The following TMIGD3 variants were observed in gnomAD, a reference collection of about 807,000 sequenced individuals.
The protein encoded by TMIGD3 is transmembrane and immunoglobulin domain containing 3.
TMIGD3 carries 21 observed loss-of-function variants against 28.1 expected under a neutral mutation model. The ratio of observed to expected loss-of-function variants is 0.75; its 90% CI spans 0.53 to 1.08. The LOEUF (loss-of-function observed/expected upper bound fraction) is 1.08. Among genes scored for constraint, TMIGD3 ranks in the 50% least tolerant of loss-of-function variants. The probability of loss-of-function intolerance (pLI) is 0.00; values close to 1 mark genes in which losing one functional copy is unlikely to be tolerated. For missense variants in TMIGD3, 416 were observed against 435.6 expected (o/e 0.96, Z 0.40); for synonymous variants, 151 against 162.1 (o/e 0.93, Z 0.52).
chr1:111,546,176 T>G (rs187293814), intron 1 of TMIGD3, among the ~76,000 whole-genome samples: 1 of 152,318 alleles, frequency 6.6e-6, no homozygotes, highest in Admixed American at 6.5e-5. Context: ...GTTTGAATTT[T>G]TATAAGTTTT....
At position 111,486,615 on chromosome 1, in the gene TMIGD3, G is replaced by C; in HGVS notation, c.843C>G (p.Pro281=). Residue 281 remains proline (P), a synonymous_variant, in exon 4 of 6, where the codon CCC becomes CCG. Transcript: ENST00000369716. Reference sequence around the variant, plus strand: ...AGCGGTCAGCCTTGCGGACAACTTTGGGAGCCTTGCAGCTTCTGGTTTTGT... The same window carrying C: ...AGCGGTCAGCCTTGCGGACAACTTTCGGAGCCTTGCAGCTTCTGGTTTTGT... ...SGNKTRSCKA[P]KVVRKADRSR... 1 of 1,611,992 alleles carries C rather than the reference G, an allele frequency of 6.2e-7. No individual in the cohort carries two copies. Among genetic ancestry groups the C allele is most frequent in the Non-Finnish European group, 8.5e-7 (1 of 1,178,958 alleles).
chr1:111,541,351 A>G (rs1009461484), intron 1 of TMIGD3, among the ~76,000 whole-genome samples: 1 of 152,230 alleles, frequency 6.6e-6, no homozygotes, highest in African/African-American at 2.4e-5. Flanking sequence ...TGGGCTTTAC[A>G]TTCTTAGCTC....
chr1:111,551,956 G>A (rs1657279634), intron 1 of TMIGD3, among the ~76,000 whole-genome samples: 1 of 152,144 alleles, frequency 6.6e-6, no homozygotes, highest in South Asian at 2.1e-4. Flanking sequence ...CATGCACCTG[G>A]CCTTCTAAAT....
chr1:111,521,509 A>G (rs1277747544), intron 1 of TMIGD3, among the ~76,000 whole-genome samples: 1 of 152,154 alleles, frequency 6.6e-6, no homozygotes, highest in Non-Finnish European at 1.5e-5. Flanking sequence ...TAATTTGCAT[A>G]TGCCTACTAA....
At chr1:111,487,368 T>TG (rs1447463931) in intron 3 of TMIGD3, among the ~76,000 whole-genome samples, 2 of 152,190 alleles carry the variant, frequency 1.3e-5, no homozygotes, top group African/African-American at 2.4e-5. Flanking sequence ...CAAAACTCTC[T>TG]TTCTAGCATG....
intron 1 of TMIGD3, chr1:111,500,254 G>A: frequency 2.5e-6 from 4 of 1,614,162 alleles, no homozygotes; most frequent in Non-Finnish European, 3.4e-6. Context: ...AAATGCACCT[G>A]TCTCTTTGGA....
upstream of TMIGD3, chr1:111,505,123 CCAAA>C: frequency 3.5e-5 from 5 of 141,290 alleles, no homozygotes; most frequent in Non-Finnish European, 4.3e-5. Context: ...CAGCACTCTG[CCAAA>C]AAAAAAAAAA....
chr1:111,503,909 G>C (rs2100986247), upstream of TMIGD3: 1 of 987,330 alleles, frequency 1.0e-6, no homozygotes, highest in Admixed American at 6.0e-5. Flanking sequence ...TGCAGGATCA[G>C]GTGGGAGCAG....
At chr1:111,536,232 T>C (rs200519205) in intron 1 of TMIGD3, among the ~76,000 whole-genome samples, 1 of 91,824 alleles carries the variant, frequency 1.1e-5, no homozygotes, top group African/African-American at 5.4e-5. Flanking sequence ...ATTTTTTAAG[T>C]TTTTTTTTTT....
At chr1:111,500,826 A>T (rs939144402) in intron 1 of TMIGD3, 2 of 527,650 alleles carry the variant, frequency 3.8e-6, no homozygotes, top group Non-Finnish European at 6.6e-6. Context: ...TCTTGAATGG[A>T]TAAGGAGGAT....
At chr1:111,503,706 T>G, upstream of TMIGD3, 1 of 1,052,218 alleles carries the variant, frequency 9.5e-7, no homozygotes, top group South Asian at 3.4e-5. Flanking sequence ...GCTTTTTGGC[T>G]TTTTGAGTTC....
intron 1 of TMIGD3, chr1:111,499,494 A>T (rs1417372): frequency 3.0e-6 from 3 of 998,362 alleles, no homozygotes; most frequent in East Asian, 1.0e-4. Context: ...AGTCCCCCTT[A>T]AACTCAGTTT....
chr1:111,507,000 C>G (rs12092394), upstream of TMIGD3, among the ~76,000 whole-genome samples: 5 of 88,136 alleles, frequency 5.7e-5, no homozygotes, highest in Non-Finnish European at 1.3e-4. Context: ...TACATATATA[C>G]ACACACATAT....
At chr1:111,544,778 A>T (rs925967793) in intron 1 of TMIGD3, among the ~76,000 whole-genome samples, 2 of 150,752 alleles carry the variant, frequency 1.3e-5, no homozygotes, top group Non-Finnish European at 3.0e-5. Context: ...TTTGGTACAT[A>T]CCCAATTTCT....
upstream of TMIGD3, chr1:111,504,904 C>G (rs1655426119): frequency 2.0e-6 from 2 of 985,214 alleles, no homozygotes; most frequent in Non-Finnish European, 2.4e-6. Flanking sequence ...CCTGAGCAGA[C>G]TCCCCAGACA....
intron 1 of TMIGD3, among the ~76,000 whole-genome samples, chr1:111,562,917 T>C (rs764116773): frequency 4.6e-5 from 7 of 152,242 alleles, no homozygotes; most frequent in Non-Finnish European, 1.0e-4. Context: ...GCCAAAAAGA[T>C]ACATTGATTA....
chr1:111,528,103 T>C (rs1388525110), intron 1 of TMIGD3, among the ~76,000 whole-genome samples: 1 of 152,210 alleles, frequency 6.6e-6, no homozygotes, highest in East Asian at 1.9e-4. Flanking sequence ...GATTTTCTCC[T>C]GCATTACCTT....
At chr1:111,511,935 G>T (rs956715046) in intron 1 of TMIGD3, among the ~76,000 whole-genome samples, 1 of 152,154 alleles carries the variant, frequency 6.6e-6, no homozygotes, top group Non-Finnish European at 1.5e-5. Context: ...GGGGTTTTTA[G>T]GACACAACAC....
At position 111,503,422 on chromosome 1, in the gene TMIGD3, G is replaced by A; in HGVS notation, c.-68C>T. 1 of 1,523,264 alleles carries A rather than the reference G, an allele frequency of 6.6e-7. No homozygotes were observed. Among genetic ancestry groups the A allele is most frequent in the East Asian group, 2.4e-5 (1 of 42,102 alleles). The allele number at this position is 1,523,264 out of a possible 1,614,324, so 94.4% of individuals were successfully genotyped here. A position where few individuals can be genotyped will look rare whatever the true frequency, so the allele number is the denominator to read the frequency against. On this transcript the variant is annotated 5_prime_UTR_variant, in exon 1 of 6. Transcript: ENST00000369716. ...CAAGATCCGTCTGTAGGGCCAGTGG[G>A]CCTAGCTCTCGCCAGACGTCTTCCC...
Sources: gnomAD v4.1 joint callset for allele counts (sites outside exome capture counted in the v4.1 genomes callset) on GRCh38, gnomAD v4.1.1 for gene constraint, MANE v1.5 for transcripts, NCBI Gene and HGNC (gene_info 2026-07-23, HGNC 2026-07-21) for gene names.